The following VGLL4 variants were observed in gnomAD, a reference collection of about 807,000 sequenced individuals.
The protein encoded by VGLL4 is transcription cofactor vestigial-like protein 4.
Under a neutral mutation model 21.0 loss-of-function variants are expected in VGLL4, and 7 were observed. The observed-to-expected ratio is 0.33, with a 90% CI of 0.19 to 0.63. VGLL4 has a LOEUF of 0.63. VGLL4 is among the 20% of genes least tolerant of loss of function. VGLL4 has a pLI of 0.78. For synonymous variants in VGLL4, 222 were observed against 173.2 expected (o/e 1.28, Z -2.21); for missense variants, 394 against 425.7 (o/e 0.93, Z 0.66).
intron 2 of VGLL4, among the ~76,000 whole-genome samples, chr3:11,673,161 G>A (rs73813004): frequency 6.6e-6 from 1 of 152,078 alleles, no homozygotes; most frequent in Non-Finnish European, 1.5e-5. Flanking sequence ...AGATATCTGA[G>A]GAAAGCTACT....
intron 2 of VGLL4, among the ~76,000 whole-genome samples, chr3:11,586,231 G>A (rs562850049): frequency 7.7e-4 from 117 of 152,278 alleles, no homozygotes; most frequent in Admixed American, 1.2e-3. Flanking sequence ...AAGCAAATAC[G>A]GGCAAATGTT....
At chr3:11,559,586 A>G in intron 3 of VGLL4, 131 bp from the exon 4 acceptor site, 1 of 1,323,436 alleles carries the variant, frequency 7.6e-7, no homozygotes, top group African/African-American at 1.5e-5. Flanking sequence ...CTCCCACTTC[A>G]ATACTGGAGT....
chr3:11,592,546 C>T (rs929044949), intron 2 of VGLL4, among the ~76,000 whole-genome samples: 1 of 152,220 alleles, frequency 6.6e-6, no homozygotes, highest in East Asian at 1.9e-4. Context: ...CAGTCCCCAC[C>T]TCCCAAATAT....
upstream of VGLL4, chr3:11,644,001 G>C: frequency 1.0e-6 from 1 of 989,638 alleles, no homozygotes; most frequent in Non-Finnish European, 1.2e-6. Context: ...GGCAGGGAGG[G>C]CTTCTGCACA....
At chr3:11,627,230 A>ACTCTCTCTCTCTCTCTCTCTCTCTCT (rs1221460234) in intron 1 of VGLL4, 1 of 123,270 alleles carries the variant, frequency 8.1e-6, no homozygotes, top group African/African-American at 3.3e-5. Context: ...ACACACACAC[A>ACTCTCTCTCTCTCTCTCTCTCTCTCT]CTCTCTCTCT....
chr3:11,666,451 C>T (rs1489266128), intron 2 of VGLL4, among the ~76,000 whole-genome samples: 1 of 152,030 alleles, frequency 6.6e-6, no homozygotes, highest in Non-Finnish European at 1.5e-5. Context: ...CACTCCAGCA[C>T]CAGCGTGGAG....
At position 11,556,592 on chromosome 3, in the gene VGLL4, C is replaced by G. The variant is rs1383989417; in HGVS notation, c.*1964G>C. 3 of 151,810 alleles carry G rather than the reference C, an allele frequency of 2.0e-5. No homozygotes were observed. The highest frequency in any genetic ancestry group is 2.9e-5 in the Non-Finnish European group (2 of 67,890). The allele number at this position is 151,810 out of a possible 1,614,324, so 9.4% of individuals were successfully genotyped here. A position where few individuals can be genotyped will look rare whatever the true frequency, so the allele number is the denominator to read the frequency against. On this transcript the variant is annotated 3_prime_UTR_variant, in exon 5 of 5. Coordinates refer to ENST00000430365, the MANE Select transcript of VGLL4 (RefSeq NM_001128219.3). ...TGTTCCTGCACTTTTACAGACAAAT[C>G]TACGACAAAAAAAAAGATCAACTTT...
At chr3:11,693,596 C>T (rs1470209591) in intron 2 of VGLL4, among the ~76,000 whole-genome samples, 2 of 152,136 alleles carry the variant, frequency 1.3e-5, no homozygotes, top group Admixed American at 6.5e-5. Flanking sequence ...GCCCTTTTCC[C>T]CTGAATCAGT....
At chr3:11,677,402 T>C (rs2076306878) in intron 2 of VGLL4, among the ~76,000 whole-genome samples, 1 of 151,986 alleles carries the variant, frequency 6.6e-6, no homozygotes. Flanking sequence ...CCTGAGTAGA[T>C]GGAACTACAG....
intron 2 of VGLL4, among the ~76,000 whole-genome samples, chr3:11,586,856 G>A (rs938302789): frequency 4.6e-5 from 7 of 152,100 alleles, no homozygotes; most frequent in African/African-American, 1.4e-4. Flanking sequence ...ATGGAGAGAG[G>A]CCTGACATGC....
At chr3:11,668,386 C>A (rs1575513151) in intron 2 of VGLL4, among the ~76,000 whole-genome samples, 1 of 152,124 alleles carries the variant, frequency 6.6e-6, no homozygotes, top group East Asian at 1.9e-4. Flanking sequence ...ATGATCCAAT[C>A]CCTTCTCCTT....
At position 11,559,411 on chromosome 3, in the gene VGLL4, G is replaced by A. The variant is rs748637911; in HGVS notation, c.540C>T (p.Asn180=). The change falls in exon 4 of 5, where the codon AAC becomes AAT. Residue 180 remains asparagine, a synonymous_variant. Transcript: ENST00000430365. Reference sequence around the variant, plus strand: ...CGATGGGGCAGTGCGAGAGGTTGCAGTTGCGGGCGCCAGCCGAGGCACAGG... The same window carrying A: ...CGATGGGGCAGTGCGAGAGGTTGCAATTGCGGGCGCCAGCCGAGGCACAGG... ...VITCASAGAR[N]CNLSHCPIAH... 1.3e-6 allele frequency: 2 copies of A among 1,563,400 alleles called. No individual in the cohort carries two copies. Among genetic ancestry groups the A allele is most frequent in the African/African-American group, 1.4e-5 (1 of 73,992 alleles).
chr3:11,617,640 T>G (rs2075187277), intron 1 of VGLL4, among the ~76,000 whole-genome samples: 2 of 152,228 alleles, frequency 1.3e-5, no homozygotes, highest in African/African-American at 4.8e-5. Context: ...ATTGACCTGA[T>G]CTTTCCGAAA....
rs908929410 is a variant in VGLL4 at position 11,666,222 on chromosome 3, G to C, written c.64+36749C>G. On this transcript the variant is annotated intron_variant, in intron 2 of 5. Transcript: ENST00000273038. ...AGCCGAGATGTGCCGCTGCACTCCA[G>C]CCTGGGTGAGAGCGAGACTGCGCCT... 2.0e-5 allele frequency among the ~76,000 whole-genome samples: 3 copies of C among 149,192 alleles called. No individual in the cohort carries two copies. In the Admixed American group the frequency reaches 2.0e-4, roughly 10 times the overall value.
Position 11,719,071 on chromosome 3 carries a change from G to A in VGLL4, c.-14+1323C>T, listed in dbSNP as rs1041757787. ...CCGCGAGGCCTGCACTGGGTGCAGG[G>A]AGAGTGTGCAGTCCTGTTTTGGGGA... On this transcript the variant is annotated intron_variant, in intron 1 of 5. Coordinates refer to the VGLL4 transcript ENST00000273038. The surrounding 1 kb of genome is among the most constrained non-coding windows in gnomAD (Gnocchi z 4.0). Among the ~76,000 whole-genome samples the A allele has an allele frequency of 2.0e-5, 3 of 152,082 alleles. No homozygotes were observed. The highest frequency in any genetic ancestry group is 7.3e-5 in the African/African-American group (3 of 41,374).
At chr3:11,696,597 G>A (rs1011964298) in intron 2 of VGLL4, among the ~76,000 whole-genome samples, 7 of 152,198 alleles carry the variant, frequency 4.6e-5, no homozygotes, top group Admixed American at 1.3e-4. Flanking sequence ...TTTTCAAACT[G>A]TCGGTTCCAA....
At chr3:11,560,137 C>G (rs2072847688) in intron 3 of VGLL4, among the ~76,000 whole-genome samples, 1 of 152,164 alleles carries the variant, frequency 6.6e-6, no homozygotes, top group Non-Finnish European at 1.5e-5. Flanking sequence ...AAGCCTTTCA[C>G]TGGCCACCGC....
chr3:11,680,198 C>T (rs1180851648), intron 2 of VGLL4, among the ~76,000 whole-genome samples: 1 of 152,184 alleles, frequency 6.6e-6, no homozygotes, highest in Non-Finnish European at 1.5e-5. Flanking sequence ...GTGCAGTGGG[C>T]TGTGAGCCTG....
intron 2 of VGLL4, among the ~76,000 whole-genome samples, chr3:11,598,106 C>T (rs2074691989): frequency 6.6e-6 from 1 of 152,106 alleles, no homozygotes; most frequent in South Asian, 2.1e-4. Flanking sequence ...TCACTGCAAC[C>T]TCTGCCACCT....
Sources: gnomAD v4.1 joint callset for allele counts (sites outside exome capture counted in the v4.1 genomes callset) on GRCh38, gnomAD v4.1.1 for gene constraint, Gnocchi (gnomAD v3.1) non-coding constraint, MANE v1.5 for transcripts, NCBI Gene and HGNC (gene_info 2026-07-23, HGNC 2026-07-21) for gene names.